Variants in HS6ST1 observed in about 807,000 individuals in gnomAD.
HS6ST1 encodes heparan sulfate 6-O-sulfotransferase 1, also known as heparan-sulfate 6-O-sulfotransferase 1.
HS6ST1 carries 3 observed loss-of-function variants against 25.2 expected under a neutral mutation model. The observed-to-expected ratio is 0.12, with a 90% CI of 0.05 to 0.31. The LOEUF (loss-of-function observed/expected upper bound fraction) is 0.31, where lower values mean the gene tolerates loss of function less well. HS6ST1 is among the 10% of genes least tolerant of loss of function. HS6ST1 has a pLI of 1.00. For missense variants in HS6ST1, 310 were observed against 609.6 expected, an observed-to-expected ratio of 0.51 and a Z score of 5.18; for synonymous variants, 204 against 275.1, an observed-to-expected ratio of 0.74 and a Z score of 2.56.
chr2:128,273,864 C>G (rs1318628071), intron 1 of HS6ST1, among the ~76,000 whole-genome samples: 1 of 152,180 alleles, frequency 6.6e-6, no homozygotes, highest in East Asian at 1.9e-4. Context: ...AATGGCCCAC[C>G]CCAGATCTAG....
At chr2:128,293,087 C>T (rs1693981170) in intron 1 of HS6ST1, among the ~76,000 whole-genome samples, 1 of 152,184 alleles carries the variant, frequency 6.6e-6, no homozygotes, top group Admixed American at 6.5e-5. Context: ...CCCTGCTCTG[C>T]TCCGCCACAC....
chr2:128,306,358 G>A (rs1694209394), intron 1 of HS6ST1, among the ~76,000 whole-genome samples: 1 of 152,140 alleles, frequency 6.6e-6, no homozygotes, highest in Admixed American at 6.5e-5. Context: ...CAGGGAGAAC[G>A]CAGCTGCACG....
intron 1 of HS6ST1, 149 bp downstream of exon 1, chr2:128,317,888 G>A: frequency 1.1e-6 from 1 of 924,730 alleles, no homozygotes; most frequent in Non-Finnish European, 1.5e-6. Flanking sequence ...TCGGGCGCTC[G>A]GCAGGTCGGG....
chr2:128,278,957 T>C (rs550336984), intron 1 of HS6ST1, among the ~76,000 whole-genome samples: 19 of 152,310 alleles, frequency 1.2e-4, no homozygotes, highest in Non-Finnish European at 2.2e-4. Context: ...AATTAAACAT[T>C]ACATAAACAA....
intron 1 of HS6ST1, among the ~76,000 whole-genome samples, chr2:128,303,723 C>T (rs79987034): frequency 0.019 from 2,952 of 152,292 alleles, 48 homozygotes; most frequent in Non-Finnish European, 0.03. Flanking sequence ...CTTGGGAGAA[C>T]GCTACTGCAG....
chr2:128,274,932 C>T (rs932567586), intron 1 of HS6ST1, among the ~76,000 whole-genome samples: 3 of 128,018 alleles, frequency 2.3e-5, no homozygotes, highest in Admixed American at 2.0e-4. Context: ...GAGCTGAGAT[C>T]GCATCTGGGT....
chr2:128,317,887 C>G (rs1694398109), intron 1 of HS6ST1, 150 bp downstream of exon 1: 3 of 917,292 alleles, frequency 3.3e-6, no homozygotes, highest in Admixed American at 8.6e-5. Flanking sequence ...CTCGGGCGCT[C>G]GGCAGGTCGG....
intron 1 of HS6ST1, among the ~76,000 whole-genome samples, chr2:128,311,672 G>A (rs1694291218): frequency 6.6e-6 from 1 of 152,208 alleles, no homozygotes. Context: ...GGGAAGCTGA[G>A]GGGTTGGGGA....
At chr2:128,311,270 A>G (rs1217362596) in intron 1 of HS6ST1, among the ~76,000 whole-genome samples, 1 of 152,184 alleles carries the variant, frequency 6.6e-6, no homozygotes, top group Non-Finnish European at 1.5e-5. Flanking sequence ...ATGTCACCTC[A>G]CCTATAAATA....
intron 1 of HS6ST1, among the ~76,000 whole-genome samples, chr2:128,314,078 G>C (rs1306779910): frequency 6.6e-6 from 1 of 152,138 alleles, no homozygotes; most frequent in Non-Finnish European, 1.5e-5. Context: ...TGGTCCCCAG[G>C]TCCTGTTCAT....
In HS6ST1 at chr2:128,289,378, CA is replaced by C. The variant is rs1269617107; in HGVS notation, c.528-20509del. Among the ~76,000 whole-genome samples, 104 of 152,192 alleles carry C rather than the reference CA, an allele frequency of 6.8e-4. 1 individual carries two copies. Among genetic ancestry groups the C allele is most frequent in the Admixed American group, 6.7e-3 (102 of 15,280 alleles). On this transcript the variant is annotated intron_variant, in intron 1 of 1. Coordinates refer to ENST00000259241, the MANE Select transcript of HS6ST1 (RefSeq NM_004807.3). ...CAGGCATTTGCTCATTTTATTCCTGCAACCCCGGTACGGTCGCCACTATTAG... is the reference window on the plus strand; with the variant it reads ...CAGGCATTTGCTCATTTTATTCCTGCACCCCGGTACGGTCGCCACTATTAG...
chr2:128,292,656 C>T (rs757959129), intron 1 of HS6ST1, among the ~76,000 whole-genome samples: 2 of 150,756 alleles, frequency 1.3e-5, no homozygotes, highest in Admixed American at 6.6e-5. Context: ...TGTGGGAAGC[C>T]GGGAGGGCAG....
intron 1 of HS6ST1, among the ~76,000 whole-genome samples, chr2:128,288,864 G>A (rs1573698556): frequency 6.6e-6 from 1 of 152,016 alleles, no homozygotes; most frequent in South Asian, 2.1e-4. Flanking sequence ...GAGGATCACT[G>A]GGGGTGTCCC....
chr2:128,294,671 CGTGTGTGTGT>C (rs56059401), intron 1 of HS6ST1, among the ~76,000 whole-genome samples: 12,215 of 136,064 alleles, frequency 0.09, 572 homozygotes, highest in African/African-American at 0.11. Flanking sequence ...AGAAGGGAGG[CGTGTGTGTGT>C]GTGTGTGTGT....
intron 1 of HS6ST1, among the ~76,000 whole-genome samples, chr2:128,306,306 C>G (rs1158056000): frequency 6.6e-6 from 1 of 152,120 alleles, no homozygotes; most frequent in African/African-American, 2.4e-5. Context: ...GTGGCCGCGC[C>G]GCTGCGAAGA....
intron 1 of HS6ST1, among the ~76,000 whole-genome samples, chr2:128,314,786 C>G (rs861461): frequency 0.65 from 98,705 of 152,146 alleles, 32,645 homozygotes; most frequent in East Asian, 0.79. Context: ...CCCGGGTTCC[C>G]GGCCAAGGTG....
At chr2:128,293,547 AG>A (rs1693991831) in intron 1 of HS6ST1, among the ~76,000 whole-genome samples, 2 of 152,246 alleles carry the variant, frequency 1.3e-5, no homozygotes, top group Non-Finnish European at 2.9e-5. Context: ...GAGCAGCAGC[AG>A]ACCATGGTCC....
At chr2:128,301,662 G>A (rs1694129223) in intron 1 of HS6ST1, among the ~76,000 whole-genome samples, 1 of 152,210 alleles carries the variant, frequency 6.6e-6, no homozygotes, top group Non-Finnish European at 1.5e-5. Context: ...GTATATGAGC[G>A]TGAGCGTGCG....
chr2:128,274,061 C>A (rs889255518), intron 1 of HS6ST1, among the ~76,000 whole-genome samples: 2 of 152,200 alleles, frequency 1.3e-5, no homozygotes, highest in South Asian at 4.1e-4. Context: ...CCTGCACTGA[C>A]ACCTGGGACC....
Sources: allele counts gnomAD v4.1 joint callset (sites outside exome capture counted in the v4.1 genomes callset), GRCh38; gene constraint gnomAD v4.1.1; transcripts MANE v1.5; gene names NCBI Gene and HGNC (gene_info 2026-07-23, HGNC 2026-07-21).